Variants in AGFG1 observed in about 807,000 individuals in gnomAD.
The protein encoded by AGFG1 is ArfGAP with FG repeats 1.
In AGFG1, 10 loss-of-function variants were observed where a neutral mutation model predicts 60.6. The observed-to-expected ratio is 0.16, with a 90% CI of 0.10 to 0.28. The LOEUF is 0.28. AGFG1 is among the 10% of genes least tolerant of loss of function. AGFG1 has a pLI of 1.00. For synonymous variants in AGFG1, 247 were observed against 242.9 expected (o/e 1.02, Z -0.16); for missense variants, 537 against 676.5 (o/e 0.79, Z 2.29).
rs1690822473 is a variant in AGFG1 at position 227,491,640 on chromosome 2, A to G, written c.261A>G (p.Glu87=). The change falls in exon 2 of 13, where the codon GAA becomes GAG. Residue 87 remains glutamate (E), a splice_region_variant and synonymous_variant. Coordinates refer to ENST00000310078, the MANE Select transcript of AGFG1 (RefSeq NM_004504.5). ...EIEFLQKHGN[E]VCKQIWLGLF... Reference sequence around the variant, plus strand: ...AATTCTTACAAAAACATGGAAATGAAGTAAGTGGTTTTTTTTTTTTTTTGC... The same window carrying G: ...AATTCTTACAAAAACATGGAAATGAGGTAAGTGGTTTTTTTTTTTTTTTGC... 1 of 1,495,590 alleles carries G rather than the reference A, an allele frequency of 6.7e-7. No individual in the cohort carries two copies. The highest frequency in any genetic ancestry group is 8.9e-7 in the Non-Finnish European group (1 of 1,128,866). 92.6% of individuals were successfully genotyped at this position (1,495,590 alleles called of 1,614,324 possible).
In AGFG1 at chr2:227,507,628, C is replaced by T. The variant is rs903385814; in HGVS notation, c.262-12320C>T. Among the ~76,000 whole-genome samples the T allele has an allele frequency of 2.7e-5, 3 of 111,504 alleles. No homozygotes were observed. In the Admixed American group the frequency reaches 2.8e-4, roughly 10 times the overall value. 73.2% of individuals were successfully genotyped at this position (111,504 alleles called of 152,430 possible). ...AAAAAAAAAAAAAAAAAAAAAAAAG[C>T]GCCTTTTCACTAATTTTTTTTGTTT... On this transcript the variant is annotated intron_variant, in intron 2 of 12. Coordinates refer to ENST00000310078, the MANE Select transcript of AGFG1 (RefSeq NM_004504.5).
chr2:227,502,095 C>T (rs1348232485), intron 2 of AGFG1, among the ~76,000 whole-genome samples: 2 of 152,184 alleles, frequency 1.3e-5, no homozygotes, highest in African/African-American at 2.4e-5. Context: ...CTGACTAAAG[C>T]GATCCACCTG....
chr2:227,486,503 A>G (rs1205287634), intron 1 of AGFG1, among the ~76,000 whole-genome samples: 1 of 152,148 alleles, frequency 6.6e-6, no homozygotes, highest in Non-Finnish European at 1.5e-5. Context: ...AGTTCATATA[A>G]GAGTGCTTTA....
Position 227,555,210 on chromosome 2 carries a change from A to G in AGFG1, c.*715A>G, listed in dbSNP as rs1692937028. 1.3e-5 allele frequency: 2 copies of G among 152,604 alleles called. No homozygotes were observed. The highest frequency in any genetic ancestry group is 4.8e-5 in the African/African-American group (2 of 41,452). 9.5% of individuals were successfully genotyped at this position (152,604 alleles called of 1,614,324 possible). A position where few individuals can be genotyped will look rare whatever the true frequency, so the allele number is the denominator to read the frequency against. ...GAATTGAGAACATCTTGAATTCTTA[A>G]AAGACTTCTTAGTGACTTTTTATAA... On this transcript the variant is annotated 3_prime_UTR_variant, in exon 13 of 13. Coordinates refer to ENST00000310078, the MANE Select transcript of AGFG1 (RefSeq NM_004504.5).
chr2:227,524,601 TTC>T (rs761804673), intron 4 of AGFG1, among the ~76,000 whole-genome samples, 159 bp from the exon 5 acceptor site: 2 of 152,216 alleles, frequency 1.3e-5, no homozygotes, highest in Non-Finnish European at 2.9e-5. Flanking sequence ...TTAGATAAAT[TTC>T]TCTGTTTTCA....
At chr2:227,525,006 C>A in intron 5 of AGFG1, 91 bp downstream of exon 5, 1 of 1,463,284 alleles carries the variant, frequency 6.8e-7, no homozygotes, top group Non-Finnish European at 9.4e-7. Flanking sequence ...GATCAGTAAA[C>A]ATTTTTTGTT....
chr2:227,548,628 G>T (rs1284994685), intron 10 of AGFG1, among the ~76,000 whole-genome samples: 1 of 152,196 alleles, frequency 6.6e-6, no homozygotes, highest in Non-Finnish European at 1.5e-5. Context: ...CTCTGAGCCT[G>T]TAAAGTGCTT....
intron 4 of AGFG1, among the ~76,000 whole-genome samples, chr2:227,524,527 A>G (rs1043926017): frequency 2.9e-4 from 44 of 152,332 alleles, no homozygotes; most frequent in African/African-American, 1.0e-3. Context: ...CTATACAAGA[A>G]TGGTTCAGAG....
rs1041112567 is a variant in AGFG1, at chr2:227,520,696, T to C, written c.377+633T>C. On this transcript the variant is annotated intron_variant, in intron 3 of 12. Transcript: ENST00000310078. Reference sequence around the variant, plus strand: ...AGGGACTATATCTATAAAGCTAGTGTTCAGCTACTGAGGGTTCTTCATTTT... The same window carrying C: ...AGGGACTATATCTATAAAGCTAGTGCTCAGCTACTGAGGGTTCTTCATTTT... Among the ~76,000 whole-genome samples, 6 of 152,238 alleles carry C rather than the reference T, an allele frequency of 3.9e-5. 1 individual carries two copies. Among genetic ancestry groups the C allele is most frequent in the Non-Finnish European group, 7.3e-5 (5 of 68,032 alleles).
At chr2:227,524,247 A>G (rs1691913389) in intron 4 of AGFG1, among the ~76,000 whole-genome samples, 4 of 152,124 alleles carry the variant, frequency 2.6e-5, no homozygotes, top group South Asian at 4.1e-4. Flanking sequence ...TAAAACATGA[A>G]TCTATGGTGA....
At chr2:227,539,645 T>C (rs1692420508) in intron 10 of AGFG1, among the ~76,000 whole-genome samples, 1 of 147,774 alleles carries the variant, frequency 6.8e-6, no homozygotes, top group Admixed American at 7.0e-5. Flanking sequence ...CTCAGGAGGC[T>C]GAGGTGGGAG....
In AGFG1 at chr2:227,472,265, C is replaced by A; in HGVS notation, c.-157C>A. 1 of 276,952 alleles carries A rather than the reference C, an allele frequency of 3.6e-6. No homozygotes were observed. Among genetic ancestry groups the A allele is most frequent in the Non-Finnish European group, 5.5e-6 (1 of 182,610 alleles). 17.2% of individuals were successfully genotyped at this position (276,952 alleles called of 1,614,324 possible). Reference sequence around the variant, plus strand: ...CCACAGCGCCCGGGCCGCGTCGAGCCCAGTACAGCCAAGCCGCTGCGGCCG... The same window carrying A: ...CCACAGCGCCCGGGCCGCGTCGAGCACAGTACAGCCAAGCCGCTGCGGCCG... On this transcript the variant is annotated 5_prime_UTR_variant, in exon 1 of 13. Coordinates refer to ENST00000310078, the MANE Select transcript of AGFG1 (RefSeq NM_004504.5).
intron 1 of AGFG1, among the ~76,000 whole-genome samples, chr2:227,488,305 A>C (rs1185773295): frequency 6.6e-6 from 1 of 152,244 alleles, no homozygotes; most frequent in East Asian, 1.9e-4. Context: ...TACACACTGT[A>C]CTGCATTTGT....
intron 10 of AGFG1, among the ~76,000 whole-genome samples, chr2:227,545,873 C>T (rs1294462417): frequency 4.6e-5 from 7 of 152,152 alleles, no homozygotes; most frequent in Admixed American, 1.3e-4. Context: ...CAGAGGGGCA[C>T]CTGGCTGTAT....
intron 10 of AGFG1, among the ~76,000 whole-genome samples, chr2:227,548,944 A>T (rs1692736268): frequency 6.6e-6 from 1 of 152,290 alleles, no homozygotes; most frequent in East Asian, 1.9e-4. Flanking sequence ...CTCAAAAAGA[A>T]AAAAAAGAAA....
In AGFG1 at chr2:227,535,035, C is replaced by T. The variant is rs749439592; in HGVS notation, c.1205+10C>T. 1.3e-6 allele frequency: 2 copies of T among 1,580,076 alleles called. No individual in the cohort carries two copies. Among genetic ancestry groups the T allele is most frequent in the Non-Finnish European group, 1.7e-6 (2 of 1,161,086 alleles). On this transcript the variant is annotated intron_variant, in intron 8 of 12. Transcript: ENST00000310078. ...CAAGTAATGCTAGCAGGTACCTTGT[C>T]TTAGCTAGCCCTCCTGCTTTGTGTT...
chr2:227,554,403 CTCTT>C (rs767283616), intron 12 of AGFG1, 29 bp from the exon 13 acceptor site: 50 of 1,570,884 alleles, frequency 3.2e-5, no homozygotes, highest in Non-Finnish European at 4.1e-5. Flanking sequence ...CTACTTTTGT[CTCTT>C]TATTTATTTG....
rs114895342 is a variant in AGFG1, at chr2:227,546,128, C to T, written c.1379-5831C>T. 5.2e-3 allele frequency among the ~76,000 whole-genome samples: 792 copies of T among 152,352 alleles called. 3 individuals are homozygous for T. The highest frequency in any genetic ancestry group is 0.016 in the African/African-American group (677 of 41,588). On this transcript the variant is annotated intron_variant, in intron 10 of 12. Coordinates refer to ENST00000310078, the MANE Select transcript of AGFG1 (RefSeq NM_004504.5). ...GAGGCAGGCAGGCCTTGTTGAGCTG[C>T]AGTGGGTTCCACCTAGTTCAAGCTT...
intron 10 of AGFG1, among the ~76,000 whole-genome samples, chr2:227,545,030 C>G (rs1340921871): frequency 6.6e-6 from 1 of 152,196 alleles, no homozygotes; most frequent in East Asian, 1.9e-4. Flanking sequence ...GGAAGTTCTC[C>G]TGGATAATAT....
Sources: gnomAD v4.1 joint callset for allele counts (sites outside exome capture counted in the v4.1 genomes callset) on GRCh38, gnomAD v4.1.1 for gene constraint, MANE v1.5 for transcripts, NCBI Gene and HGNC (gene_info 2026-07-23, HGNC 2026-07-21) for gene names.